UBA6: variants seen among roughly 807,000 people sequenced by gnomAD.
UBA6 encodes the protein ubiquitin-like modifier-activating enzyme 6.
Under a neutral mutation model 148.3 loss-of-function variants are expected in UBA6, and 87 were observed. The observed-to-expected ratio is 0.59, with a 90% CI of 0.49 to 0.70. UBA6 has a LOEUF of 0.70. UBA6 is among the 30% of genes least tolerant of loss of function. The probability of loss-of-function intolerance (pLI) is 0.00; values close to 1 mark genes in which losing one functional copy is unlikely to be tolerated. For missense variants in UBA6, 1,186 were observed against 1,241.2 expected, an observed-to-expected ratio of 0.96 and a Z score of 0.67; for synonymous variants, 376 against 401.0, an observed-to-expected ratio of 0.94 and a Z score of 0.75.
In UBA6 at chr4:67,631,054, A is replaced by AAAATATATATACATAAAATTTT. The variant is rs1455304592; in HGVS notation, c.2259-520_2259-519insAAAATTTTATGTATATATATTT. On this transcript the variant is annotated intron_variant, in intron 25 of 32. Transcript: ENST00000322244. ...AAGGAAGGTTAGTGAATGCAAGCTAAGTGTTTAAAAATATATATACATAAG... is the reference window on the plus strand; with the variant it reads ...AAGGAAGGTTAGTGAATGCAAGCTAAAAATATATATACATAAAATTTTGTGTTTAAAAATATATATACATAAG... Among the ~76,000 whole-genome samples, 9 of 152,250 alleles carry AAAATATATATACATAAAATTTT rather than the reference A, an allele frequency of 5.9e-5. No individual in the cohort carries two copies. The South Asian group carries it at 1.0e-3, about 18-fold the overall frequency.
At position 67,613,762 on chromosome 4, in the gene UBA6, C is replaced by T. The variant is rs1577779811; in HGVS notation, c.*5235G>A. On this transcript the variant is annotated 3_prime_UTR_variant, in exon 33 of 33. Transcript: ENST00000322244. ...GTCTGGGGAGTCATGCTCTACAAACCATAAATTCTCATCAGATGGGTTTTA... is the reference window on the plus strand; with the variant it reads ...GTCTGGGGAGTCATGCTCTACAAACTATAAATTCTCATCAGATGGGTTTTA... 1 of 152,278 alleles carries T rather than the reference C, an allele frequency of 6.6e-6. No homozygotes were observed. The highest frequency in any genetic ancestry group is 2.4e-5 in the African/African-American group (1 of 41,562). The allele number at this position is 152,278 out of a possible 1,614,324, so 9.4% of individuals were successfully genotyped here. A position where few individuals can be genotyped will look rare whatever the true frequency, so the allele number is the denominator to read the frequency against.
chr4:67,614,953 C>T lies in UBA6; in HGVS notation c.*4044G>A, dbSNP rs2109887162. ...TGGCCAATAAACTTATGAAAAAATA[C>T]TCAACTTCACAGGTAATAGAGAAAT... On this transcript the variant is annotated 3_prime_UTR_variant, in exon 33 of 33. Transcript: ENST00000322244. The T allele has an allele frequency of 6.6e-6, 1 of 152,250 alleles. No homozygotes were observed. The highest frequency in any genetic ancestry group is 2.1e-4 in the South Asian group (1 of 4,822). 9.4% of individuals were successfully genotyped at this position (152,250 alleles called of 1,614,324 possible). A position where few individuals can be genotyped will look rare whatever the true frequency, so the allele number is the denominator to read the frequency against.
intron 13 of UBA6, chr4:67,661,957 T>C (rs1729869309): frequency 4.4e-6 from 2 of 452,502 alleles, no homozygotes; most frequent in African/African-American, 2.0e-5. Context: ...ATATGTCACA[T>C]GGCATTTCTA....
intron 8 of UBA6, among the ~76,000 whole-genome samples, chr4:67,669,643 C>G (rs189422894): frequency 6.3e-4 from 96 of 152,170 alleles, no homozygotes; most frequent in African/African-American, 2.1e-3. Context: ...TATGCATGAT[C>G]AAGAGTGCGG....
At chr4:67,678,020 A>G (rs945172886) in intron 5 of UBA6, among the ~76,000 whole-genome samples, 4 of 149,268 alleles carry the variant, frequency 2.7e-5, no homozygotes, top group Non-Finnish European at 4.5e-5. Context: ...TCCTTCTTTA[A>G]TAAATTCAAG....
intron 27 of UBA6, among the ~76,000 whole-genome samples, chr4:67,627,937 CTT>C (rs34031669): frequency 0.26 from 34,638 of 134,968 alleles, 4,211 homozygotes; most frequent in Middle Eastern, 0.31. Flanking sequence ...CTCCCTATTG[CTT>C]TTTTTTTTTT....
chr4:67,666,125 T>G (rs985092971), intron 9 of UBA6, among the ~76,000 whole-genome samples: 3 of 152,098 alleles, frequency 2.0e-5, no homozygotes, highest in African/African-American at 7.2e-5. Context: ...GAGGCTATAG[T>G]GTGCTAAACT....
chr4:67,652,094 G>A (rs1246862972), intron 13 of UBA6, among the ~76,000 whole-genome samples: 1 of 151,954 alleles, frequency 6.6e-6, no homozygotes, highest in Non-Finnish European at 1.5e-5. Flanking sequence ...TTTTGACCCT[G>A]TGTTAAAAAA....
chr4:67,673,719 C>T lies in UBA6; in HGVS notation c.524G>A (p.Arg175His), dbSNP rs147806141. 1.5e-4 allele frequency: 238 copies of T among 1,610,762 alleles called. No individual in the cohort carries two copies. In the African/African-American group the frequency reaches 2.1e-3, roughly 14 times the overall value. Residue 175 changes from arginine to histidine, a missense_variant, in exon 7 of 33, where the codon CGT becomes CAT. Arg to His is a conservative substitution (Grantham distance 29). Coordinates refer to ENST00000322244, the MANE Select transcript of UBA6 (RefSeq NM_018227.6). ...PLQKKINDFC[R>H]SQCPPIKFIS... ...TACCTTAATTGGAGGGCACTGAGAA[C>T]GGCAAAAGTCATTGATCTTCTTCTG...
At chr4:67,625,252 G>C in intron 28 of UBA6, 65 bp from the exon 29 acceptor site, 2 of 1,230,222 alleles carry the variant, frequency 1.6e-6, no homozygotes, top group Non-Finnish European at 2.2e-6. Context: ...TAGGTAAAAA[G>C]CAATGTGAAT....
intron 7 of UBA6, among the ~76,000 whole-genome samples, chr4:67,673,418 G>GA (rs566565882): frequency 0.011 from 1,161 of 101,942 alleles, 10 homozygotes; most frequent in African/African-American, 0.028. Context: ...TCTGTCTCGG[G>GA]AAAAAAAAAA....
In UBA6 at chr4:67,655,354, G is replaced by T. The variant is rs142432876; in HGVS notation, c.1105-6143C>A. Among the ~76,000 whole-genome samples, 416 of 152,310 alleles carry T rather than the reference G, an allele frequency of 2.7e-3. 3 individuals carry two copies. Among genetic ancestry groups the T allele is most frequent in the African/African-American group, 9.7e-3 (404 of 41,564 alleles). ...CAACAAACTGCTCTCAGACTACAGT[G>T]CAATCAAATTAGAACTCAGGATTAA... On this transcript the variant is annotated intron_variant, in intron 13 of 32. Transcript: ENST00000322244.
chr4:67,667,179 C>A (rs377106040), intron 9 of UBA6, among the ~76,000 whole-genome samples: 1 of 151,038 alleles, frequency 6.6e-6, no homozygotes, highest in Non-Finnish European at 1.5e-5. Context: ...AAATAATAAT[C>A]CTAAATGATT....
Position 67,615,401 on chromosome 4 carries a change from A to C in UBA6, c.*3596T>G, listed in dbSNP as rs1239791171. The C allele has an allele frequency of 6.6e-6, 1 of 152,152 alleles. No individual in the cohort carries two copies. Among genetic ancestry groups the C allele is most frequent in the African/African-American group, 2.4e-5 (1 of 41,424 alleles). The allele number at this position is 152,152 out of a possible 1,614,324, so 9.4% of individuals were successfully genotyped here. A position where few individuals can be genotyped will look rare whatever the true frequency, so the allele number is the denominator to read the frequency against. ...AACCTGCTGAACCATGAGCCAAATA[A>C]ACCTTTTTTCTTTATGAATTACCGA... On this transcript the variant is annotated 3_prime_UTR_variant, in exon 33 of 33. Transcript: ENST00000322244.
chr4:67,662,143 G>C, intron 13 of UBA6, 46 bp downstream of exon 13: 1 of 1,552,146 alleles, frequency 6.4e-7, no homozygotes, highest in African/African-American at 1.4e-5. Flanking sequence ...GAACACTTAT[G>C]TATTAACAAA....
At chr4:67,642,177 T>G (rs982982278) in intron 17 of UBA6, among the ~76,000 whole-genome samples, 7 of 152,078 alleles carry the variant, frequency 4.6e-5, no homozygotes, top group Admixed American at 2.0e-4. Context: ...CTGCTTTTCA[T>G]TCCCCTGTAT....
intron 2 of UBA6, among the ~76,000 whole-genome samples, chr4:67,687,182 C>A (rs1045208649): frequency 1.3e-4 from 20 of 150,936 alleles, no homozygotes; most frequent in African/African-American, 4.6e-4. Flanking sequence ...ATTACAGGTG[C>A]GTGCCACCAT....
At chr4:67,634,617 AAAAT>A (rs1227960660) in intron 20 of UBA6, 99 bp from the exon 21 acceptor site, 8 of 710,996 alleles carry the variant, frequency 1.1e-5, no homozygotes, top group African/African-American at 1.1e-4. Flanking sequence ...TAAAAATCCA[AAAAT>A]AAATAAAATC....
chr4:67,661,063 T>G (rs1256138312), intron 13 of UBA6, among the ~76,000 whole-genome samples: 1 of 152,218 alleles, frequency 6.6e-6, no homozygotes, highest in Non-Finnish European at 1.5e-5. Flanking sequence ...GTCTGTACCC[T>G]CACTGTATCT....
Sources: gnomAD v4.1 joint callset for allele counts (sites outside exome capture counted in the v4.1 genomes callset) on GRCh38, gnomAD v4.1.1 for gene constraint, MANE v1.5 for transcripts, NCBI Gene and HGNC (gene_info 2026-07-23, HGNC 2026-07-21) for gene names.